DAB1: variants seen among roughly 807,000 people sequenced by gnomAD.
DAB1 encodes DAB adaptor protein 1.
DAB1 carries 15 observed loss-of-function variants against 64.6 expected under a neutral mutation model. The ratio of observed to expected loss-of-function variants is 0.23; its 90% CI spans 0.16 to 0.36. DAB1 has a LOEUF of 0.36. DAB1 is among the 10% of genes least tolerant of loss of function. The pLI is 1.00. For synonymous variants in DAB1, 235 were observed against 251.9 expected (o/e 0.93, Z 0.64); for missense variants, 596 against 706.7 (o/e 0.84, Z 1.78).
chr1:57,622,546 A>C (rs1490866961), intron 7 of DAB1, among the ~76,000 whole-genome samples: 2 of 152,238 alleles, frequency 1.3e-5, no homozygotes, highest in Admixed American at 6.5e-5. Flanking sequence ...GTGTTTAATC[A>C]TGACAACAGC....
At chr1:57,219,101 C>T (rs1411792621) in intron 2 of DAB1, among the ~76,000 whole-genome samples, 2 of 152,026 alleles carry the variant, frequency 1.3e-5, no homozygotes, top group East Asian at 3.9e-4. Context: ...GGAGCCAATA[C>T]CTTAGTAGTT....
chr1:57,717,803 T>C (rs1647102138), intron 6 of DAB1, among the ~76,000 whole-genome samples: 1 of 152,160 alleles, frequency 6.6e-6, no homozygotes, highest in South Asian at 2.1e-4. Flanking sequence ...TAACATTCTG[T>C]CATTTTTGGC....
In DAB1 at chr1:57,805,135, G is replaced by A. The variant is rs563339880; in HGVS notation, n.551+78864C>T. Reference sequence around the variant, plus strand: ...GCTCCTGGTTTGCACATCCCCACTGGTGCAGGATTAACCCTCTACATGCTG... The same window carrying A: ...GCTCCTGGTTTGCACATCCCCACTGATGCAGGATTAACCCTCTACATGCTG... On this transcript the variant is annotated intron_variant and non_coding_transcript_variant, in intron 6 of 20. Transcript: ENST00000485760. 6.6e-5 allele frequency among the ~76,000 whole-genome samples: 10 copies of A among 152,252 alleles called. No individual in the cohort carries two copies. The South Asian group carries it at 2.1e-3, about 32-fold the overall frequency.
chr1:57,880,181 C>T (rs1379004651), intron 1 of DAB1: 2 of 151,504 alleles, frequency 1.3e-5, no homozygotes, highest in Admixed American at 1.3e-4. Flanking sequence ...TGCAAATCCT[C>T]CCAGCCTCAG....
intron 1 of DAB1, among the ~76,000 whole-genome samples, chr1:58,535,966 CTG>C (rs886562017): frequency 1.3e-4 from 20 of 151,594 alleles, no homozygotes; most frequent in African/African-American, 4.4e-4. Context: ...CTCTTACATA[CTG>C]TGTTAGTATT....
At chr1:58,411,572 G>C (rs1448498026) in intron 3 of DAB1, among the ~76,000 whole-genome samples, 1 of 152,170 alleles carries the variant, frequency 6.6e-6, no homozygotes, top group Non-Finnish European at 1.5e-5. Flanking sequence ...AGCCAAAGAG[G>C]AGTTGTCCAA....
chr1:57,931,112 G>A (rs935740001), intron 5 of DAB1, among the ~76,000 whole-genome samples: 1 of 152,136 alleles, frequency 6.6e-6, no homozygotes, highest in Non-Finnish European at 1.5e-5. Context: ...ATATGACCAT[G>A]TAATTTTTCT....
At chr1:57,808,136 C>T (rs1341623206) in intron 6 of DAB1, among the ~76,000 whole-genome samples, 12 of 151,674 alleles carry the variant, frequency 7.9e-5, no homozygotes, top group Admixed American at 7.3e-4. Context: ...ATTATATTCT[C>T]CCTCTCTCTC....
chr1:58,093,901 G>A (rs1231507747), intron 5 of DAB1, among the ~76,000 whole-genome samples: 2 of 152,122 alleles, frequency 1.3e-5, no homozygotes, highest in Admixed American at 6.5e-5. Flanking sequence ...TTCATTGCTT[G>A]CCCTTTGCTT....
At chr1:58,220,823 T>C (rs1291029351) in intron 4 of DAB1, among the ~76,000 whole-genome samples, 1 of 151,658 alleles carries the variant, frequency 6.6e-6, no homozygotes, top group East Asian at 1.9e-4. Context: ...TTGGTAAGAA[T>C]TTGCTATATA....
chr1:57,909,447 TTTTC>T (rs1488127166), intron 5 of DAB1, among the ~76,000 whole-genome samples: 7 of 152,196 alleles, frequency 4.6e-5, no homozygotes, highest in Admixed American at 1.3e-4. Context: ...CATGAATGTG[TTTTC>T]TTTGTTTTAT....
At chr1:57,541,122 C>G (rs1051671906) in intron 7 of DAB1, among the ~76,000 whole-genome samples, 5 of 151,246 alleles carry the variant, frequency 3.3e-5, no homozygotes, top group African/African-American at 1.2e-4. Flanking sequence ...TCAAAAAAAA[C>G]TTTTCTTTCT....
chr1:57,261,103 A>G (rs1244713190), intron 2 of DAB1, among the ~76,000 whole-genome samples: 1 of 152,050 alleles, frequency 6.6e-6, no homozygotes, highest in African/African-American at 2.4e-5. Context: ...CTACTTTATG[A>G]TGACCACTCC....
At chr1:58,391,185 G>A (rs960862720) in intron 3 of DAB1, among the ~76,000 whole-genome samples, 5 of 152,346 alleles carry the variant, frequency 3.3e-5, no homozygotes, top group African/African-American at 1.2e-4. Context: ...CAGGCCTGCT[G>A]GCTGGGGCAA....
chr1:58,022,562 T>C (rs1646829849), intron 5 of DAB1, among the ~76,000 whole-genome samples: 1 of 152,172 alleles, frequency 6.6e-6, no homozygotes, highest in African/African-American at 2.4e-5. Flanking sequence ...TTGCCTATTA[T>C]TATTATCACT....
At chr1:57,232,156 AC>A (rs1667723582) in intron 2 of DAB1, among the ~76,000 whole-genome samples, 2 of 151,926 alleles carry the variant, frequency 1.3e-5, no homozygotes, top group South Asian at 4.2e-4. Flanking sequence ...AATGGCCTAT[AC>A]TTTAGGTTTT....
intron 4 of DAB1, among the ~76,000 whole-genome samples, chr1:57,073,646 G>A (rs1283764536): frequency 6.6e-5 from 10 of 152,060 alleles, no homozygotes; most frequent in Non-Finnish European, 1.5e-5. Context: ...GTAAACACAA[G>A]GCACCCACTG....
At chr1:57,483,081 A>G (rs1251715189) in intron 7 of DAB1, among the ~76,000 whole-genome samples, 1 of 152,256 alleles carries the variant, frequency 6.6e-6, no homozygotes, top group Admixed American at 6.5e-5. Context: ...TGTACACAAT[A>G]ATCTCAACGT....
intron 2 of DAB1, among the ~76,000 whole-genome samples, chr1:57,286,649 A>C (rs1240434301): frequency 3.3e-5 from 5 of 152,222 alleles, no homozygotes; most frequent in Non-Finnish European, 5.9e-5. Context: ...AATAGTCCTC[A>C]ATATTATTCA....
Sources: gnomAD v4.1 joint callset for allele counts (sites outside exome capture counted in the v4.1 genomes callset) on GRCh38, gnomAD v4.1.1 for gene constraint, MANE v1.5 for transcripts, NCBI Gene and HGNC (gene_info 2026-07-23, HGNC 2026-07-21) for gene names.